NRF1: variants seen among roughly 807,000 people sequenced by gnomAD.
The protein encoded by NRF1 is nuclear respiratory factor 1.
In NRF1, 5 loss-of-function variants were observed where a neutral mutation model predicts 58.5. The ratio of observed to expected loss-of-function variants is 0.09; its 90% confidence interval spans 0.04 to 0.18. The LOEUF is 0.18. Among genes scored for constraint, NRF1 ranks in the 10% least tolerant of loss-of-function variants. NRF1 has a pLI of 1.00. For synonymous variants in NRF1, 224 were observed against 246.7 expected (o/e 0.91, Z 0.86); for missense variants, 288 against 657.7 (o/e 0.44, Z 6.15).
chr7:129,662,383 A>AGTGTGT lies in NRF1; in HGVS notation c.223+4844_223+4849dup, dbSNP rs3042950. 9.9e-3 allele frequency among the ~76,000 whole-genome samples: 1,439 copies of AGTGTGT among 145,828 alleles called. 9 individuals are homozygous for AGTGTGT. The highest frequency in any genetic ancestry group is 1.0e-2 in the Non-Finnish European group (660 of 66,174). ...TTTTTCCTCCAGTTTTAGAATTTCTAGTGTGTGTGTGTGTGTGTGTGTGTG... is the reference window on the plus strand; with the variant it reads ...TTTTTCCTCCAGTTTTAGAATTTCTAGTGTGTGTGTGTGTGTGTGTGTGTGTGTGTG... On this transcript the variant is annotated intron_variant, in intron 2 of 10. Transcript: ENST00000393232.
chr7:129,694,546 T>C (rs1038393681), intron 5 of NRF1, among the ~76,000 whole-genome samples: 9 of 152,112 alleles, frequency 5.9e-5, no homozygotes, highest in Non-Finnish European at 1.0e-4. Context: ...TTTTGGATTT[T>C]TAGTAGAGAC....
At chr7:129,688,461 T>G (rs898238874) in intron 4 of NRF1, among the ~76,000 whole-genome samples, 9 of 152,152 alleles carry the variant, frequency 5.9e-5, no homozygotes, top group African/African-American at 2.2e-4. Context: ...CCTATTGGCT[T>G]ATACCTAATA....
In NRF1 at chr7:129,657,504, C is replaced by T; in HGVS notation, c.153C>T (p.Thr51=). 2 of 1,614,076 alleles carry T rather than the reference C, an allele frequency of 1.2e-6. No individual in the cohort carries two copies. Among genetic ancestry groups the T allele is most frequent in the Non-Finnish European group, 1.7e-6 (2 of 1,180,018 alleles). The stretch of plus-strand genomic sequence containing the variant: ...ACTCGCCTTCTTCTCCCGAGGACAC[C>T]TCTTACGATGACTCAGATATACTCA... ...DEDSPSSPED[T]SYDDSDILNS... Residue 51 remains threonine, a synonymous_variant, in exon 2 of 11, where the codon ACC becomes ACT. Transcript: ENST00000393232.
intron 1 of NRF1, among the ~76,000 whole-genome samples, chr7:129,625,767 T>C (rs772864174): frequency 2.9e-4 from 42 of 145,558 alleles, no homozygotes; most frequent in Non-Finnish European, 4.2e-4. Flanking sequence ...CTGCAAGCTC[T>C]GCCTCCCGGG....
At chr7:129,661,325 A>G (rs1801775662) in intron 2 of NRF1, among the ~76,000 whole-genome samples, 1 of 151,310 alleles carries the variant, frequency 6.6e-6, no homozygotes, top group Non-Finnish European at 1.5e-5. Flanking sequence ...TGCTTATGCA[A>G]ATTTCTGCAG....
chr7:129,731,004 G>T (rs1803564608), intron 10 of NRF1, among the ~76,000 whole-genome samples: 1 of 151,794 alleles, frequency 6.6e-6, no homozygotes, highest in Non-Finnish European at 1.5e-5. Context: ...AGGCTCAGTG[G>T]CTCACACCTG....
At chr7:129,748,826 C>A (rs543958170) in intron 10 of NRF1, among the ~76,000 whole-genome samples, 1 of 152,196 alleles carries the variant, frequency 6.6e-6, no homozygotes, top group Non-Finnish European at 1.5e-5. Flanking sequence ...TCCATTTCCA[C>A]GGATACATGC....
In NRF1 at chr7:129,661,732, A is replaced by G. The variant is rs1801784304; in HGVS notation, c.223+4158A>G. ...TCTTGGAAGTTCCAAACTTTCCTAC[A>G]TTTTCCCGTCTTCTTTTGAGCCCTC... On this transcript the variant is annotated intron_variant, in intron 2 of 10. Transcript: ENST00000393232. 4.0e-5 allele frequency among the ~76,000 whole-genome samples: 6 copies of G among 150,652 alleles called. No homozygotes were observed. The South Asian group carries it at 8.3e-4, about 21-fold the overall frequency.
chr7:129,694,350 G>A (rs1802637565), intron 5 of NRF1, among the ~76,000 whole-genome samples: 1 of 152,028 alleles, frequency 6.6e-6, no homozygotes. Context: ...GAGCTAAATA[G>A]CTCCTCTTTG....
intron 8 of NRF1, among the ~76,000 whole-genome samples, chr7:129,712,712 C>T (rs1450674289): frequency 6.6e-6 from 1 of 152,170 alleles, no homozygotes; most frequent in Non-Finnish European, 1.5e-5. Flanking sequence ...GCGTATGTGC[C>T]TCCTTTCCAC....
At chr7:129,713,927 A>G (rs1803132795) in intron 8 of NRF1, among the ~76,000 whole-genome samples, 1 of 152,262 alleles carries the variant, frequency 6.6e-6, no homozygotes, top group South Asian at 2.1e-4. Context: ...AGCATGGAAC[A>G]GCCACAGTTT....
At chr7:129,701,433 A>G (rs780621401) in intron 5 of NRF1, among the ~76,000 whole-genome samples, 1 of 152,148 alleles carries the variant, frequency 6.6e-6, no homozygotes, top group Non-Finnish European at 1.5e-5. Context: ...CCCCGTCTCT[A>G]CTAAAAATAC....
At chr7:129,733,985 T>C (rs1014741307) in intron 10 of NRF1, among the ~76,000 whole-genome samples, 2 of 151,720 alleles carry the variant, frequency 1.3e-5, no homozygotes, top group African/African-American at 4.8e-5. Context: ...ATCATGCCGC[T>C]GCACTCCAGC....
intron 2 of NRF1, 74 bp downstream of exon 2, chr7:129,657,648 TG>T (rs1801689745): frequency 1.0e-6 from 1 of 983,446 alleles, no homozygotes; most frequent in Admixed American, 2.5e-5. Flanking sequence ...CTCACTCTGT[TG>T]CTCAGGCTGG....
chr7:129,632,638 G>GA (rs547218967), intron 1 of NRF1, among the ~76,000 whole-genome samples: 179 of 144,764 alleles, frequency 1.2e-3, no homozygotes, highest in Non-Finnish European at 1.4e-3. Context: ...TGTATCCACT[G>GA]AAAAAAAAAA....
At position 129,706,926 on chromosome 7, in the gene NRF1, TTC is replaced by T. The variant is rs527762563; in HGVS notation, c.607-2147_607-2146del. On this transcript the variant is annotated intron_variant, in intron 5 of 10. Transcript: ENST00000393232. The stretch of plus-strand genomic sequence containing the variant: ...GAGTGCTTTCTGATCACTTTAGGAT[TTC>T]TGTTTTGTTTGTTTGGTTTAAGACA... 2.0e-5 allele frequency among the ~76,000 whole-genome samples: 3 copies of T among 152,266 alleles called. No individual in the cohort carries two copies. In the East Asian group the frequency reaches 5.8e-4, roughly 29 times the overall value.
chr7:129,691,126 C>T (rs530643480), intron 5 of NRF1, among the ~76,000 whole-genome samples: 6 of 152,138 alleles, frequency 3.9e-5, no homozygotes, highest in South Asian at 4.2e-4. Flanking sequence ...TAGGCTCAAG[C>T]GATCCTCCTG....
At chr7:129,628,009 C>G (rs898077225) in intron 1 of NRF1, among the ~76,000 whole-genome samples, 6 of 140,762 alleles carry the variant, frequency 4.3e-5, no homozygotes, top group African/African-American at 1.3e-4. Context: ...TTTTTTCTCT[C>G]TTACTGTACT....
chr7:129,728,711 A>G (rs1803510485), intron 10 of NRF1, among the ~76,000 whole-genome samples: 1 of 152,222 alleles, frequency 6.6e-6, no homozygotes, highest in Admixed American at 6.5e-5. Context: ...CTGTCCCGCC[A>G]GAGAAGAATA....
Sources: gnomAD v4.1 joint callset for allele counts (sites outside exome capture counted in the v4.1 genomes callset) on GRCh38, gnomAD v4.1.1 for gene constraint, MANE v1.5 for transcripts, NCBI Gene and HGNC (gene_info 2026-07-23, HGNC 2026-07-21) for gene names.